COL4A1: variants seen among roughly 807,000 people sequenced by gnomAD.
The protein encoded by COL4A1 is collagen type IV alpha 1 chain.
In COL4A1, 40 loss-of-function variants were observed where a neutral mutation model predicts 216.6. The ratio of observed to expected loss-of-function variants is 0.18; its 90% confidence interval spans 0.14 to 0.24. The LOEUF is 0.24. Among genes scored for constraint, COL4A1 ranks in the 10% least tolerant of loss-of-function variants. The pLI is 1.00. For missense variants in COL4A1, 1,628 were observed against 2,196.8 expected (o/e 0.74, Z 5.18); for synonymous variants, 839 against 810.7 (o/e 1.03, Z -0.59).
chr13:110,204,548 T>C (rs1273749449), intron 17 of COL4A1, among the ~76,000 whole-genome samples: 1 of 152,056 alleles, frequency 6.6e-6, no homozygotes, highest in Admixed American at 6.6e-5. Context: ...TCTCTTATAT[T>C]AGTAAAGACT....
intron 24 of COL4A1, among the ~76,000 whole-genome samples, chr13:110,188,529 T>C (rs561741652): frequency 6.6e-6 from 1 of 152,326 alleles, no homozygotes; most frequent in African/African-American, 2.4e-5. Context: ...AGGAAGAAGC[T>C]GATACTCAAA....
At chr13:110,204,617 T>C (rs1296715231) in intron 17 of COL4A1, among the ~76,000 whole-genome samples, 2 of 151,712 alleles carry the variant, frequency 1.3e-5, no homozygotes, top group Non-Finnish European at 2.9e-5. Flanking sequence ...GTTTTTTTTT[T>C]CTGCCTGTCA....
intron 1 of COL4A1, among the ~76,000 whole-genome samples, chr13:110,276,954 T>A (rs532646519): frequency 6.6e-6 from 1 of 152,348 alleles, no homozygotes; most frequent in South Asian, 2.1e-4. Flanking sequence ...TTCTGATTCC[T>A]TCCCAGACCT....
At position 110,183,335 on chromosome 13, in the gene COL4A1, G is replaced by C. The variant is rs954546149; in HGVS notation, c.1898-59C>G. ...AGGAATGAGGACCACACGGAACACA[G>C]GGAGGACACGCAGTGGGTGGGCTGC... is the stretch of plus-strand genomic sequence containing the variant. On this transcript the variant is annotated intron_variant, in intron 26 of 51. Transcript: ENST00000375820. The C allele has an allele frequency of 2.2e-5, 33 of 1,525,736 alleles. No homozygotes were observed. In the African/African-American group the frequency reaches 2.5e-4, roughly 11 times the overall value. 94.5% of individuals were successfully genotyped at this position (1,525,736 alleles called of 1,614,324 possible). A position where few individuals can be genotyped will look rare whatever the true frequency, so the allele number is the denominator to read the frequency against.
chr13:110,227,239 C>T (rs543860317), intron 2 of COL4A1, among the ~76,000 whole-genome samples: 1 of 152,174 alleles, frequency 6.6e-6, no homozygotes, highest in Admixed American at 6.5e-5. Flanking sequence ...AACAGACCAA[C>T]TGGGTTACAG....
intron 1 of COL4A1, among the ~76,000 whole-genome samples, chr13:110,292,609 AGGCATGTCTTACATG>A (rs1257796608): frequency 6.6e-6 from 1 of 152,224 alleles, no homozygotes; most frequent in Non-Finnish European, 1.5e-5. Context: ...AGGGGAGGCA[AGGCATGTCTTACATG>A]GTAGCAGGAG....
intron 39 of COL4A1, 133 bp from the exon 40 acceptor site, chr13:110,174,131 A>T: frequency 2.0e-6 from 2 of 1,011,724 alleles, no homozygotes; most frequent in Middle Eastern, 2.0e-4. Context: ...TCCTGAGGTC[A>T]GTTCTGACTT....
intron 1 of COL4A1, among the ~76,000 whole-genome samples, chr13:110,303,639 G>A (rs914072736): frequency 2.6e-5 from 4 of 152,338 alleles, no homozygotes; most frequent in East Asian, 3.9e-4. Flanking sequence ...TTTCAGAGGC[G>A]GAAGCCCCTC....
At chr13:110,224,683 T>G (rs1880655503) in intron 2 of COL4A1, among the ~76,000 whole-genome samples, 1 of 152,194 alleles carries the variant, frequency 6.6e-6, no homozygotes, top group African/African-American at 2.4e-5. Context: ...GCAAGGCCCC[T>G]GAGGGTTCGA....
intron 2 of COL4A1, among the ~76,000 whole-genome samples, chr13:110,220,086 T>A (rs954455996): frequency 6.6e-6 from 1 of 151,318 alleles, no homozygotes; most frequent in African/African-American, 2.4e-5. Context: ...TATAGTAGTG[T>A]GCCACCATGC....
chr13:110,290,759 C>G (rs1383320245), intron 1 of COL4A1, among the ~76,000 whole-genome samples: 1 of 152,182 alleles, frequency 6.6e-6, no homozygotes, highest in African/African-American at 2.4e-5. Flanking sequence ...GGAAAAGGAA[C>G]AAAGAAATCT....
intron 2 of COL4A1, among the ~76,000 whole-genome samples, chr13:110,215,074 G>C (rs1397556552): frequency 6.6e-6 from 1 of 152,160 alleles, no homozygotes; most frequent in African/African-American, 2.4e-5. Flanking sequence ...TCAATCAATG[G>C]AACTCTCTTG....
At chr13:110,231,162 G>A (rs936165856) in intron 2 of COL4A1, among the ~76,000 whole-genome samples, 2 of 152,224 alleles carry the variant, frequency 1.3e-5, no homozygotes, top group African/African-American at 2.4e-5. Context: ...GGTGCCTCTT[G>A]CCCTTGCCCA....
chr13:110,302,750 A>G (rs1884544930), intron 1 of COL4A1, among the ~76,000 whole-genome samples: 1 of 152,248 alleles, frequency 6.6e-6, no homozygotes, highest in African/African-American at 2.4e-5. Context: ...TGTATGCATA[A>G]GAATGGTAGG....
intron 21 of COL4A1, 89 bp downstream of exon 21, chr13:110,198,378 G>C (rs770093500): frequency 1.7e-5 from 24 of 1,417,162 alleles, no homozygotes; most frequent in Non-Finnish European, 2.3e-5. Flanking sequence ...CTCTGGCTGT[G>C]GGGGACTATC....
chr13:110,168,863 T>C (rs914923308), intron 43 of COL4A1, among the ~76,000 whole-genome samples: 4 of 152,096 alleles, frequency 2.6e-5, no homozygotes, highest in South Asian at 2.1e-4. Context: ...TGGAGACAGA[T>C]AGAGGAAACA....
chr13:110,222,546 G>A (rs1880541538), intron 2 of COL4A1, among the ~76,000 whole-genome samples: 1 of 136,754 alleles, frequency 7.3e-6, no homozygotes, highest in Non-Finnish European at 1.6e-5. Context: ...GGCCGAGGCG[G>A]GTGGATCACG....
intron 1 of COL4A1, 40 bp from the exon 2 acceptor site, chr13:110,242,774 T>C: frequency 6.2e-7 from 1 of 1,607,464 alleles, no homozygotes; most frequent in Non-Finnish European, 8.5e-7. Context: ...GAAGAACACT[T>C]TCAAAGCGAG....
intron 2 of COL4A1, among the ~76,000 whole-genome samples, chr13:110,220,793 G>A (rs16975624): frequency 0.08 from 12,208 of 152,156 alleles, 641 homozygotes; most frequent in East Asian, 0.28. Context: ...TCTCCTGGCC[G>A]AAAGAACAGT....
Sources: gnomAD v4.1 joint callset for allele counts (sites outside exome capture counted in the v4.1 genomes callset) on GRCh38, gnomAD v4.1.1 for gene constraint, MANE v1.5 for transcripts, NCBI Gene and HGNC (gene_info 2026-07-23, HGNC 2026-07-21) for gene names.